Variants in DLG2 observed in about 807,000 individuals in gnomAD.
The protein encoded by DLG2 is discs large MAGUK scaffold protein 2, also known as disks large homolog 2.
A neutral mutation model predicts 132.5 loss-of-function variants in DLG2; 45 were observed. The observed-to-expected ratio is 0.34, with a 90% CI of 0.27 to 0.44. DLG2 has a LOEUF of 0.44. Ranked by LOEUF, DLG2 falls within the 20% of genes least tolerant of loss-of-function variation. The pLI is 1.00. For synonymous variants in DLG2, 424 were observed against 419.6 expected (o/e 1.01, Z -0.13); for missense variants, 1,045 against 1,196.9 (o/e 0.87, Z 1.87).
intron 6 of DLG2, among the ~76,000 whole-genome samples, chr11:84,870,676 T>G (rs1004991095): frequency 1.2e-4 from 19 of 152,210 alleles, no homozygotes; most frequent in African/African-American, 3.1e-4. Context: ...CATCACTGTG[T>G]ACATAATACA....
intron 6 of DLG2, among the ~76,000 whole-genome samples, chr11:84,850,072 A>C (rs922399579): frequency 1.3e-5 from 2 of 152,094 alleles, no homozygotes. Flanking sequence ...ATGGTAAAAA[A>C]CCATGTTATT....
At chr11:84,562,578 T>C (rs1034114507) in intron 6 of DLG2, among the ~76,000 whole-genome samples, 11 of 152,166 alleles carry the variant, frequency 7.2e-5, no homozygotes, top group African/African-American at 2.2e-4. Context: ...TATGAGTCCC[T>C]TCTTAAAACT....
chr11:84,135,308 G>A (rs1224469353), intron 9 of DLG2, among the ~76,000 whole-genome samples: 1 of 152,094 alleles, frequency 6.6e-6, no homozygotes, highest in Non-Finnish European at 1.5e-5. Context: ...CTACAAAATT[G>A]TGGCAGGGAA....
At position 84,043,396 on chromosome 11, in the gene DLG2, T is replaced by C. The variant is rs1331378696; in HGVS notation, c.919+15919A>G. Among the ~76,000 whole-genome samples, 7 of 151,718 alleles carry C rather than the reference T, an allele frequency of 4.6e-5. No individual in the cohort carries two copies. In the Admixed American group the frequency reaches 4.6e-4, roughly 10 times the overall value. On this transcript the variant is annotated intron_variant, in intron 11 of 27. Coordinates refer to ENST00000376104, the MANE Select transcript of DLG2 (RefSeq NM_001142699.3). ...TTTGGATTTTTAATTTAATATTTTATTTTAGGTTCTGAGGTACGTGTGCAG... is the reference window on the plus strand; with the variant it reads ...TTTGGATTTTTAATTTAATATTTTACTTTAGGTTCTGAGGTACGTGTGCAG...
intron 6 of DLG2, among the ~76,000 whole-genome samples, chr11:84,623,533 A>G (rs2099617384): frequency 6.6e-6 from 1 of 152,198 alleles, no homozygotes; most frequent in African/African-American, 2.4e-5. Flanking sequence ...TTTACAGATG[A>G]AGGAATGATT....
intron 11 of DLG2, among the ~76,000 whole-genome samples, chr11:84,006,367 T>C (rs1297313793): frequency 6.6e-6 from 1 of 151,658 alleles, no homozygotes; most frequent in Non-Finnish European, 1.5e-5. Context: ...AGTTCTATTG[T>C]TCAAAAGCAG....
intron 16 of DLG2, among the ~76,000 whole-genome samples, chr11:83,866,936 C>A (rs976017882): frequency 2.0e-5 from 3 of 152,132 alleles, no homozygotes; most frequent in Non-Finnish European, 2.9e-5. Context: ...CTGGGCAAAC[C>A]AGAAGCCTAC....
At chr11:84,708,029 G>C (rs1046914280) in intron 6 of DLG2, among the ~76,000 whole-genome samples, 5 of 151,686 alleles carry the variant, frequency 3.3e-5, no homozygotes, top group African/African-American at 1.2e-4. Flanking sequence ...GGTCACTTTG[G>C]GCAAGGTATA....
intron 18 of DLG2, among the ~76,000 whole-genome samples, chr11:83,770,423 C>T (rs1253997419): frequency 1.3e-5 from 2 of 151,668 alleles, no homozygotes; most frequent in East Asian, 1.9e-4. Context: ...ATTACTAAGC[C>T]CCAGAGGATG....
Position 84,502,133 on chromosome 11 carries a change from TCTC to T in DLG2, c.519+32434_519+32436del, listed in dbSNP as rs10595020. On this transcript the variant is annotated intron_variant, in intron 7 of 27. Transcript: ENST00000376104. The stretch of plus-strand genomic sequence containing the variant: ...CTCTGTCTTTCTCTCTTTCTCTCTT[TCTC>T]CTTTCTTTCCTTCCTTCCTTCCTTT... Among the ~76,000 whole-genome samples, 691 of 91,120 alleles carry T rather than the reference TCTC, an allele frequency of 7.6e-3. 176 individuals are homozygous for T. Among genetic ancestry groups the T allele is most frequent in the African/African-American group, 0.02 (383 of 19,230 alleles). 59.8% of individuals were successfully genotyped at this position (91,120 alleles called of 152,430 possible).
Position 85,378,521 on chromosome 11 carries a change from C to T in DLG2, c.41-93156G>A, listed in dbSNP as rs183132856. ...TGGTATATAGCACTTCATTTAATTA[C>T]AGCCATTAAACTTATAATCATCCTT... On this transcript the variant is annotated intron_variant, in intron 3 of 27. Coordinates refer to ENST00000376104, the MANE Select transcript of DLG2 (RefSeq NM_001142699.3). Among the ~76,000 whole-genome samples the T allele has an allele frequency of 2.5e-3, 375 of 152,130 alleles. 4 individuals carry two copies. The highest frequency in any genetic ancestry group is 8.6e-3 in the African/African-American group (358 of 41,520).
intron 6 of DLG2, among the ~76,000 whole-genome samples, chr11:85,005,841 CAGT>C (rs1303596214): frequency 6.6e-6 from 1 of 152,078 alleles, no homozygotes; most frequent in East Asian, 1.9e-4. Context: ...TTTGCCCATT[CAGT>C]ATGATATTGG....
intron 6 of DLG2, among the ~76,000 whole-genome samples, chr11:85,058,207 C>T (rs1018111495): frequency 2.0e-5 from 3 of 151,478 alleles, no homozygotes; most frequent in Non-Finnish European, 4.4e-5. Context: ...AAGTTGTCTA[C>T]ATACAATGTC....
chr11:84,816,072 T>C (rs144415123), intron 6 of DLG2, among the ~76,000 whole-genome samples: 11 of 152,094 alleles, frequency 7.2e-5, no homozygotes, highest in Admixed American at 1.3e-4. Context: ...AGTTATACTG[T>C]CTCAAAAGCT....
chr11:85,587,625 G>C (rs2079053179), intron 3 of DLG2, among the ~76,000 whole-genome samples: 1 of 152,118 alleles, frequency 6.6e-6, no homozygotes, highest in Admixed American at 6.5e-5. Context: ...GCAGATACTT[G>C]GTGGGTGGAT....
intron 7 of DLG2, among the ~76,000 whole-genome samples, chr11:84,343,160 T>A (rs757665785): frequency 3.5e-4 from 53 of 152,102 alleles, no homozygotes; most frequent in Non-Finnish European, 5.9e-4. Context: ...GATAACCCAT[T>A]TAGGGATTTG....
intron 14 of DLG2, among the ~76,000 whole-genome samples, chr11:83,940,776 C>T (rs1390834512): frequency 6.6e-6 from 1 of 152,180 alleles, no homozygotes; most frequent in East Asian, 1.9e-4. Flanking sequence ...GACATGTGAT[C>T]TTGGGCAGGT....
At chr11:84,687,033 T>C (rs895078901) in intron 6 of DLG2, 2 of 152,004 alleles carry the variant, frequency 1.3e-5, no homozygotes, top group African/African-American at 4.8e-5. Flanking sequence ...ATCTTCTGTT[T>C]GTTTCTAGGC....
intron 8 of DLG2, among the ~76,000 whole-genome samples, chr11:84,236,934 T>G (rs1199828829): frequency 9.5e-5 from 13 of 136,546 alleles, no homozygotes; most frequent in African/African-American, 2.4e-4. Flanking sequence ...TTTTTTTTTT[T>G]GTTTTTTTTT....
Sources: gnomAD v4.1 joint callset for allele counts (sites outside exome capture counted in the v4.1 genomes callset) on GRCh38, gnomAD v4.1.1 for gene constraint, MANE v1.5 for transcripts, NCBI Gene and HGNC (gene_info 2026-07-23, HGNC 2026-07-21) for gene names.